The following MTCL2 variants were observed in gnomAD, a reference collection of about 807,000 sequenced individuals.
The protein encoded by MTCL2 is microtubule cross-linking factor 2.
the MTCL2 span, among the ~76,000 whole-genome samples, chr20:36,799,524 A>G: frequency 3.4e-5 from 5 of 149,048 alleles, no homozygotes; most frequent in Admixed American, 2.7e-4. Context: ...TAAATAAATA[A>G]ATAAATAAAT....
the MTCL2 span, among the ~76,000 whole-genome samples, chr20:36,809,507 T>C: frequency 4.0e-5 from 6 of 151,510 alleles, no homozygotes; most frequent in Non-Finnish European, 8.8e-5. Context: ...TAATGCACAA[T>C]GGCAAGGACA....
At chr20:36,827,255 G>T in the MTCL2 span, among the ~76,000 whole-genome samples, 5 of 151,262 alleles carry the variant, frequency 3.3e-5, no homozygotes, top group Non-Finnish European at 7.4e-5. Flanking sequence ...GTTTCGCCAT[G>T]TTGGCCAGGC....
chr20:36,810,015 C>A, the MTCL2 span: 1 of 1,601,702 alleles, frequency 6.2e-7, no homozygotes, highest in Non-Finnish European at 8.5e-7. Flanking sequence ...TGTCGGCCTC[C>A]TCCTTTCGTA....
the MTCL2 span, among the ~76,000 whole-genome samples, chr20:36,840,810 C>A: frequency 6.6e-6 from 1 of 151,086 alleles, no homozygotes; most frequent in East Asian, 2.0e-4. Context: ...CGCACCACTG[C>A]ACCCCAGCCT....
the MTCL2 span, chr20:36,810,093 C>T: frequency 6.3e-7 from 1 of 1,597,298 alleles, no homozygotes; most frequent in East Asian, 2.3e-5. Context: ...CCAGCACCAG[C>T]TGCAGCTCCT....
the MTCL2 span, chr20:36,793,408 GGAGAGGGGCTCT>G: frequency 6.4e-7 from 1 of 1,551,562 alleles, no homozygotes. This position sits in a 1 kb window ranked among gnomAD's most constrained non-coding sequence, Gnocchi z 6.8. Flanking sequence ...AGCTGGCTGG[GGAGAGGGGCTCT>G]GGCTTCTTGG....
the MTCL2 span, chr20:36,815,516 G>C: frequency 1.3e-6 from 2 of 1,578,210 alleles, no homozygotes; most frequent in Non-Finnish European, 1.7e-6. The surrounding 1 kb of genome is among the most constrained non-coding windows in gnomAD (Gnocchi z 5.3). Flanking sequence ...TGCAGAGTCG[G>C]ACCGCATGGG....
chr20:36,860,575 G>C, the MTCL2 span, among the ~76,000 whole-genome samples: 2 of 152,160 alleles, frequency 1.3e-5, no homozygotes, highest in Non-Finnish European at 2.9e-5. Flanking sequence ...GAATCCACAA[G>C]AGAACAGGCT....
chr20:36,808,761 C>A, the MTCL2 span: 1 of 1,557,566 alleles, frequency 6.4e-7, no homozygotes. Context: ...GGGACAAGAG[C>A]TTGAGCAACC....
the MTCL2 span, among the ~76,000 whole-genome samples, chr20:36,850,539 GA>G: frequency 1.0e-4 from 15 of 144,130 alleles, no homozygotes; most frequent in Admixed American, 6.2e-4. Context: ...AAAAAAAAAA[GA>G]AAAAAAAAAG....
At chr20:36,812,586 T>G in the MTCL2 span, 1 of 1,343,296 alleles carries the variant, frequency 7.4e-7, no homozygotes, top group Non-Finnish European at 1.0e-6. Context: ...TGGAACCAAA[T>G]GGAATGCCCC....
chr20:36,799,681 T>C, the MTCL2 span, among the ~76,000 whole-genome samples: 1 of 150,270 alleles, frequency 6.7e-6, no homozygotes, highest in South Asian at 2.1e-4. Context: ...AGACCTTGTC[T>C]CAAAATAAGA....
chr20:36,862,151 G>C, the MTCL2 span, among the ~76,000 whole-genome samples: 1 of 152,222 alleles, frequency 6.6e-6, no homozygotes, highest in East Asian at 1.9e-4. Context: ...TTTCAAACTG[G>C]ACCCGCCCAG....
chr20:36,812,758 G>A, the MTCL2 span: 1 of 1,613,992 alleles, frequency 6.2e-7, no homozygotes. Flanking sequence ...AGCTCCGGCT[G>A]GGGTCGGGCT....
chr20:36,810,903 A>T, the MTCL2 span, among the ~76,000 whole-genome samples: 1 of 151,958 alleles, frequency 6.6e-6, no homozygotes, highest in Non-Finnish European at 1.5e-5. Context: ...TATATTTTTG[A>T]TAGAGACAGG....
the MTCL2 span, among the ~76,000 whole-genome samples, chr20:36,808,355 GAAA>G: frequency 1.7e-5 from 2 of 119,774 alleles, no homozygotes; most frequent in Non-Finnish European, 3.5e-5. Flanking sequence ...CTCCATCTCG[GAAA>G]AAAAAAAAAA....
At chr20:36,779,881 C>T in the MTCL2 span, 3 of 151,962 alleles carry the variant, frequency 2.0e-5, no homozygotes, top group Admixed American at 2.0e-4. Context: ...CTGGCATGGA[C>T]CAGGGCCACT....
chr20:36,802,496 C>T, the MTCL2 span, among the ~76,000 whole-genome samples: 1 of 152,080 alleles, frequency 6.6e-6, no homozygotes, highest in Admixed American at 6.6e-5. Flanking sequence ...CTCTTGGTTC[C>T]TGGGTTTGGG....
the MTCL2 span, among the ~76,000 whole-genome samples, chr20:36,857,029 A>G: frequency 2.6e-5 from 4 of 152,186 alleles, no homozygotes; most frequent in Admixed American, 2.6e-4. Flanking sequence ...TAGGTGTGCA[A>G]GTCTCTGCTG....
Sources: gnomAD v4.1 joint callset for allele counts (sites outside exome capture counted in the v4.1 genomes callset) on GRCh38, gnomAD v4.1.1 for gene constraint, Gnocchi (gnomAD v3.1) non-coding constraint, MANE v1.5 for transcripts, NCBI Gene and HGNC (gene_info 2026-07-23, HGNC 2026-07-21) for gene names.